Variants in CATSPERD observed in about 807,000 individuals in gnomAD.
The protein encoded by CATSPERD is cation channel sperm-associated auxiliary subunit delta.
In CATSPERD, 86 loss-of-function variants were observed where a neutral mutation model predicts 98.1. That is an observed-to-expected ratio of 0.88 (90% CI 0.74 to 1.05). The LOEUF (loss-of-function observed/expected upper bound fraction) is 1.05. Ranked by LOEUF, CATSPERD falls within the 50% of genes least tolerant of loss-of-function variation. The pLI is 0.00. For synonymous variants in CATSPERD, 394 were observed against 390.2 expected (o/e 1.01, Z -0.12); for missense variants, 995 against 1,005.7 (o/e 0.99, Z 0.14).
chr19:5,774,635 G>C (rs2056708503), intron 20 of CATSPERD, among the ~76,000 whole-genome samples: 1 of 152,140 alleles, frequency 6.6e-6, no homozygotes, highest in Non-Finnish European at 1.5e-5. Flanking sequence ...GTTGCAGTGA[G>C]CCGAAACTGC....
rs556787740 is a variant in CATSPERD at position 5,731,063 on chromosome 19, G to C, written c.276+1119G>C. 1.2e-3 allele frequency among the ~76,000 whole-genome samples: 177 copies of C among 148,876 alleles called. 1 individual carries two copies. Among genetic ancestry groups the C allele is most frequent in the African/African-American group, 4.3e-3 (174 of 40,360 alleles). On this transcript the variant is annotated intron_variant, in intron 4 of 21. Coordinates refer to ENST00000381624, the MANE Select transcript of CATSPERD (RefSeq NM_152784.4). ...GCCGTGATCGCACCACTGCACTCCA[G>C]CCTGGGTGACAGAGCGAGACTCCGT...
At chr19:5,743,633 AG>A (rs2056034690) in intron 7 of CATSPERD, among the ~76,000 whole-genome samples, 1 of 142,204 alleles carries the variant, frequency 7.0e-6, no homozygotes, top group South Asian at 2.3e-4. Flanking sequence ...TAGCAGTCTT[AG>A]TCTCTCTGTC....
chr19:5,770,849 T>C, intron 18 of CATSPERD, 95 bp from the exon 19 acceptor site: 8 of 1,448,654 alleles, frequency 5.5e-6, no homozygotes, highest in Non-Finnish European at 7.5e-6. Flanking sequence ...TCATGGACGA[T>C]CCCCATTTGC....
chr19:5,747,617 T>C lies in CATSPERD; in HGVS notation c.809-543T>C, dbSNP rs974326733. On this transcript the variant is annotated intron_variant, in intron 9 of 21. Coordinates refer to ENST00000381624, the MANE Select transcript of CATSPERD (RefSeq NM_152784.4). ...GGTTTTCTTTTTTCTTTTCTTTTTT[T>C]TTTTTTTTTTTTTGAGATGGAGTCT... 2.2e-3 allele frequency among the ~76,000 whole-genome samples: 308 copies of C among 143,152 alleles called. 1 individual carries two copies. Among genetic ancestry groups the C allele is most frequent in the African/African-American group, 7.5e-3 (293 of 39,216 alleles). 93.9% of individuals were successfully genotyped at this position (143,152 alleles called of 152,430 possible).
Position 5,720,842 on chromosome 19 carries a change from T to C in CATSPERD, c.71+34T>C, listed in dbSNP as rs751030918. 33 of 1,573,414 alleles carry C rather than the reference T, an allele frequency of 2.1e-5. No homozygotes were observed. In the Middle Eastern group the frequency reaches 5.0e-4, roughly 24 times the overall value. Reference sequence around the variant, plus strand: ...GCCAGGACTCCTGGGGCTGGGGTGCTGCCGGGGGTCGGGAGGGTGCTGGTT... The same window carrying C: ...GCCAGGACTCCTGGGGCTGGGGTGCCGCCGGGGGTCGGGAGGGTGCTGGTT... On this transcript the variant is annotated intron_variant, in intron 1 of 21. Transcript: ENST00000381624.
chr19:5,733,842 A>G lies in CATSPERD; in HGVS notation c.277-14A>G. The G allele has an allele frequency of 6.4e-7, 1 of 1,558,208 alleles. No homozygotes were observed. The highest frequency in any genetic ancestry group is 8.8e-7 in the Non-Finnish European group (1 of 1,132,970). On this transcript the variant is annotated splice_polypyrimidine_tract_variant and intron_variant, in intron 4 of 21. Coordinates refer to ENST00000381624, the MANE Select transcript of CATSPERD (RefSeq NM_152784.4). ...AGATGCTCTCATTGATATCATCCATATGATAACTTTTAGGTCGGCGTACCA... is the reference window on the plus strand; with the variant it reads ...AGATGCTCTCATTGATATCATCCATGTGATAACTTTTAGGTCGGCGTACCA...
At chr19:5,758,160 G>A (rs2056363077) in intron 14 of CATSPERD, among the ~76,000 whole-genome samples, 1 of 152,108 alleles carries the variant, frequency 6.6e-6, no homozygotes, top group African/African-American at 2.4e-5. Context: ...CCCAGCCCGG[G>A]GAGGGTAGCC....
chr19:5,739,018 A>G (rs951726102), intron 6 of CATSPERD, among the ~76,000 whole-genome samples: 5 of 151,540 alleles, frequency 3.3e-5, no homozygotes, highest in African/African-American at 7.3e-5. Context: ...GTGAGCCACC[A>G]CGCCCAGCCT....
chr19:5,768,725 C>T (rs1392960194), intron 18 of CATSPERD, among the ~76,000 whole-genome samples: 2 of 152,134 alleles, frequency 1.3e-5, no homozygotes, highest in Non-Finnish European at 2.9e-5. Flanking sequence ...CCTCGACCTC[C>T]TGGGCTCAAG....
chr19:5,774,167 C>T (rs1055669703), intron 20 of CATSPERD, among the ~76,000 whole-genome samples: 2 of 151,418 alleles, frequency 1.3e-5, no homozygotes, highest in Admixed American at 6.6e-5. Flanking sequence ...GGGGTTTCAC[C>T]GTGTTGCCCA....
chr19:5,735,341 G>A (rs1038089872), intron 5 of CATSPERD, among the ~76,000 whole-genome samples: 5 of 151,008 alleles, frequency 3.3e-5, no homozygotes, highest in Admixed American at 6.6e-5. Context: ...ATGGAGTTTC[G>A]CTGTTGTTGC....
intron 14 of CATSPERD, 91 bp downstream of exon 14, chr19:5,758,023 C>G: frequency 8.9e-7 from 1 of 1,127,782 alleles, no homozygotes; most frequent in Non-Finnish European, 1.3e-6. Flanking sequence ...TTAGGAGTTT[C>G]CAGGGTACAT....
At position 5,746,033 on chromosome 19, in the gene CATSPERD, G is replaced by T. The variant is rs373521530; in HGVS notation, c.778G>T (p.Glu260Ter). ...GQRGILLLWF[E>*]NSLLFSHNAG... The stretch of plus-strand genomic sequence containing the variant: ...GAGAGGCATCCTGCTCCTATGGTTT[G>T]AGAACAGCCTGTTGTTTTCCCATAA... Residue 260 changes from glutamate to a stop codon, truncating the protein, a stop_gained, in exon 9 of 22, where the codon GAG becomes TAG. Coordinates refer to ENST00000381624, the MANE Select transcript of CATSPERD (RefSeq NM_152784.4). LOFTEE classifies it high-confidence loss of function. 11 of 1,614,136 alleles carry T rather than the reference G, an allele frequency of 6.8e-6. No homozygotes were observed. Among genetic ancestry groups the T allele is most frequent in the Non-Finnish European group, 9.3e-6 (11 of 1,180,028 alleles).
At chr19:5,740,462 C>G (rs139552766) in intron 7 of CATSPERD, among the ~76,000 whole-genome samples, 2 of 147,522 alleles carry the variant, frequency 1.4e-5, no homozygotes, top group African/African-American at 5.0e-5. Flanking sequence ...TGCCTCATGC[C>G]TGTAATCCCA....
chr19:5,737,515 A>C (rs1477791871), intron 6 of CATSPERD, among the ~76,000 whole-genome samples: 1 of 134,130 alleles, frequency 7.5e-6, no homozygotes, highest in Non-Finnish European at 1.5e-5. Flanking sequence ...ACACCACTGC[A>C]CTCCAGCCTG....
chr19:5,772,214 ATTT>A (rs35847357), intron 19 of CATSPERD: 2,566 of 152,716 alleles, frequency 0.017, no homozygotes, highest in African/African-American at 0.02. Context: ...TGCCCGGTTA[ATTT>A]TTTTTTTTTT....
At chr19:5,730,731 G>C (rs1185644650) in intron 4 of CATSPERD, among the ~76,000 whole-genome samples, 1 of 150,580 alleles carries the variant, frequency 6.6e-6, no homozygotes, top group African/African-American at 2.4e-5. Context: ...CAGCCTGGGC[G>C]GCTGGGCACG....
chr19:5,727,644 A>C (rs888713699), intron 3 of CATSPERD, among the ~76,000 whole-genome samples: 4 of 152,120 alleles, frequency 2.6e-5, no homozygotes, highest in Admixed American at 6.6e-5. Context: ...TTGATGACAA[A>C]ACTGGGTTTT....
Position 5,766,973 on chromosome 19 carries a change from A to G in CATSPERD, c.1559+818A>G, listed in dbSNP as rs796966286. ...CTCTCAAAGTGCTGGGATTACAGGC[A>G]TGAGCCACCGCAATTGGCCTAACAC... is the stretch of plus-strand genomic sequence containing the variant. On this transcript the variant is annotated intron_variant, in intron 17 of 21. Transcript: ENST00000381624. Among the ~76,000 whole-genome samples the G allele has an allele frequency of 1.9e-4, 29 of 150,878 alleles. 1 individual carries two copies. The highest frequency in any genetic ancestry group is 6.1e-4 in the African/African-American group (25 of 41,284).
Sources: allele counts gnomAD v4.1 joint callset (sites outside exome capture counted in the v4.1 genomes callset), GRCh38; gene constraint gnomAD v4.1.1; transcripts MANE v1.5; gene names NCBI Gene and HGNC (gene_info 2026-07-23, HGNC 2026-07-21).